Variants in PDE7B observed in about 807,000 individuals in gnomAD.
PDE7B encodes 3',5'-cyclic-AMP phosphodiesterase 7B.
A neutral mutation model predicts 56.2 loss-of-function variants in PDE7B; 29 were observed. That is an observed-to-expected ratio of 0.52 (90% CI 0.38 to 0.70). PDE7B has a LOEUF of 0.70. PDE7B is among the 30% of genes least tolerant of loss of function. The pLI is 0.00. For synonymous variants in PDE7B, 197 were observed against 196.9 expected (o/e 1.00, Z 0.00); for missense variants, 490 against 565.0 (o/e 0.87, Z 1.35).
In PDE7B at chr6:135,851,795, C is replaced by G; in HGVS notation, c.-204C>G. ...CACCCAGGGAGAGTCTCTCTTTCTA[C>G]CTTCCTTCTTTCTCGATCTCCTTGT... On this transcript the variant is annotated 5_prime_UTR_variant, in exon 1 of 13. Transcript: ENST00000308191. 24 of 533,204 alleles carry G rather than the reference C, an allele frequency of 4.5e-5. No individual in the cohort carries two copies. The highest frequency in any genetic ancestry group is 9.1e-5 in the East Asian group (3 of 32,974). The allele number at this position is 533,204 out of a possible 1,614,324, so 33.0% of individuals were successfully genotyped here.
At chr6:136,131,494 GTTTTTTTTTTTTT>G (rs1201361799) in intron 3 of PDE7B, among the ~76,000 whole-genome samples, 1 of 84,686 alleles carries the variant, frequency 1.2e-5, no homozygotes, top group African/African-American at 4.7e-5. Context: ...ATCCTGGCAG[GTTTTTTTTTTTTT>G]TTTTTTTTTT....
At chr6:135,880,665 C>T (rs1478946874) in intron 1 of PDE7B, among the ~76,000 whole-genome samples, 1 of 152,182 alleles carries the variant, frequency 6.6e-6, no homozygotes, top group African/African-American at 2.4e-5. Context: ...GAATTTGGAG[C>T]TGATCTTCCA....
intron 1 of PDE7B, among the ~76,000 whole-genome samples, chr6:135,910,356 T>A (rs1776191019): frequency 6.6e-6 from 1 of 152,254 alleles, no homozygotes; most frequent in Admixed American, 6.5e-5. Context: ...GAACTGTCAG[T>A]AACACCGAGG....
At position 135,940,005 on chromosome 6, in the gene PDE7B, G is replaced by A. The variant is rs577596468; in HGVS notation, c.22-7459G>A. Among the ~76,000 whole-genome samples, 4 of 152,170 alleles carry A rather than the reference G, an allele frequency of 2.6e-5. No homozygotes were observed. In the South Asian group the frequency reaches 6.2e-4, roughly 24 times the overall value. On this transcript the variant is annotated intron_variant, in intron 1 of 12. Transcript: ENST00000308191. ...AATTCATTAAGCATCCTGGTTCTTC[G>A]AAAGCAAACCAAGCCTCTCCAGTCC...
chr6:136,001,153 G>A (rs1329525872), intron 2 of PDE7B, among the ~76,000 whole-genome samples: 7 of 152,260 alleles, frequency 4.6e-5, no homozygotes, highest in Non-Finnish European at 8.8e-5. Flanking sequence ...TCTGTTAGAA[G>A]GAAAACTAAC....
chr6:136,098,722 T>G (rs1012370306), intron 2 of PDE7B, among the ~76,000 whole-genome samples: 6 of 152,112 alleles, frequency 3.9e-5, no homozygotes, highest in African/African-American at 1.4e-4. Flanking sequence ...ATTATCTGAG[T>G]GCCAAGAGGA....
In PDE7B at chr6:135,947,466, G is replaced by C. The variant is rs1774613769; in HGVS notation, c.24G>C (p.Arg8Ser). 1.2e-6 allele frequency: 2 copies of C among 1,610,072 alleles called. No homozygotes were observed. The highest frequency in any genetic ancestry group is 1.7e-6 in the Non-Finnish European group (2 of 1,176,534). The change falls in exon 2 of 13, where the codon AGG (arginine) becomes AGC (serine). Residue 8 changes from arginine (R) to serine (S), a missense_variant and splice_region_variant. Coordinates refer to ENST00000308191, the MANE Select transcript of PDE7B (RefSeq NM_018945.4). ...CCTTGGCTATCTTTCTATTTCAGAG[G>C]TGTGGCGAAATCTTGTTTGAGAACC... MSCLMVE[R>S]CGEILFENPD... is the part of the protein sequence containing the mutation.
At chr6:136,093,968 CA>C (rs1477908863) in intron 2 of PDE7B, 1 of 152,254 alleles carries the variant, frequency 6.6e-6, no homozygotes, top group Non-Finnish European at 1.5e-5. Context: ...CTAGTCCCTT[CA>C]GACTGCTATA....
intron 2 of PDE7B, among the ~76,000 whole-genome samples, chr6:135,999,299 T>C (rs894032668): frequency 4.0e-4 from 61 of 152,194 alleles, no homozygotes; most frequent in African/African-American, 1.3e-3. Context: ...GGGGTACATG[T>C]GCTGGTTTGT....
At chr6:135,989,481 G>A (rs572614473) in intron 2 of PDE7B, among the ~76,000 whole-genome samples, 1 of 152,246 alleles carries the variant, frequency 6.6e-6, no homozygotes, top group South Asian at 2.1e-4. Flanking sequence ...GGGCATGGTG[G>A]TGCATGCCTG....
chr6:135,924,014 G>A (rs993264682), intron 1 of PDE7B, among the ~76,000 whole-genome samples: 6 of 152,100 alleles, frequency 3.9e-5, no homozygotes, highest in African/African-American at 1.4e-4. Context: ...ATACATTCTT[G>A]CTTATCAAGT....
chr6:135,895,605 G>A (rs550314827), intron 1 of PDE7B, among the ~76,000 whole-genome samples: 332 of 152,276 alleles, frequency 2.2e-3, no homozygotes, highest in Non-Finnish European at 3.7e-3. Flanking sequence ...AATTAAATGT[G>A]CTTGCAGGCA....
At chr6:136,135,169 A>T (rs1440653434) in intron 3 of PDE7B, among the ~76,000 whole-genome samples, 2 of 152,132 alleles carry the variant, frequency 1.3e-5, no homozygotes, top group Non-Finnish European at 2.9e-5. Flanking sequence ...ATTCTATTCA[A>T]GACCTGAGTT....
At chr6:135,943,804 C>G (rs552155409) in intron 1 of PDE7B, among the ~76,000 whole-genome samples, 2 of 152,274 alleles carry the variant, frequency 1.3e-5, no homozygotes, top group Admixed American at 1.3e-4. Flanking sequence ...GGAACACTAA[C>G]AATGGACATA....
chr6:136,115,602 T>C (rs1393686473), intron 3 of PDE7B, among the ~76,000 whole-genome samples: 1 of 152,208 alleles, frequency 6.6e-6, no homozygotes, highest in Non-Finnish European at 1.5e-5. Context: ...AAAACAGCCA[T>C]TGCCTTCTGT....
intron 2 of PDE7B, chr6:136,038,391 G>C: frequency 7.7e-7 from 1 of 1,291,468 alleles, no homozygotes; most frequent in Non-Finnish European, 1.0e-6. Context: ...CGGCCGGGGT[G>C]CCAGCAGGGG....
At chr6:136,125,978 A>C (rs1377805279) in intron 3 of PDE7B, among the ~76,000 whole-genome samples, 1 of 152,188 alleles carries the variant, frequency 6.6e-6, no homozygotes, top group Non-Finnish European at 1.5e-5. Context: ...ATAAGTTAAA[A>C]AAAAATCATA....
chr6:135,971,007 A>T (rs1251842949), intron 2 of PDE7B, among the ~76,000 whole-genome samples: 1 of 152,122 alleles, frequency 6.6e-6, no homozygotes. Flanking sequence ...GCAGCAGAGC[A>T]GGTGGGGGTA....
At chr6:136,029,136 T>C (rs1392444360) in intron 2 of PDE7B, among the ~76,000 whole-genome samples, 6 of 152,234 alleles carry the variant, frequency 3.9e-5, no homozygotes, top group Non-Finnish European at 5.9e-5. Flanking sequence ...TCATGTTACA[T>C]GTTTGAAAAT....
Sources: allele counts gnomAD v4.1 joint callset (sites outside exome capture counted in the v4.1 genomes callset), GRCh38; gene constraint gnomAD v4.1.1; transcripts MANE v1.5; gene names NCBI Gene and HGNC (gene_info 2026-07-23, HGNC 2026-07-21).